SPNS1: variants seen among roughly 807,000 people sequenced by gnomAD.
The protein encoded by SPNS1 is protein spinster homolog 1.
Under a neutral mutation model 50.3 loss-of-function variants are expected in SPNS1, and 22 were observed. The observed-to-expected ratio is 0.44, with a 90% CI of 0.31 to 0.62. The LOEUF is 0.62. Among genes scored for constraint, SPNS1 ranks in the 20% least tolerant of loss-of-function variants. The probability of loss-of-function intolerance (pLI) is 0.07; values close to 1 mark genes in which losing one functional copy is unlikely to be tolerated. For missense variants in SPNS1, 576 were observed against 728.6 expected (o/e 0.79, Z 2.41); for synonymous variants, 295 against 317.4 (o/e 0.93, Z 0.75).
In SPNS1 at chr16:28,981,997, C is replaced by T. The variant is rs764923662; in HGVS notation, c.906C>T (p.Arg302=). 3.4e-5 allele frequency: 55 copies of T among 1,614,114 alleles called. No homozygotes were observed. The highest frequency in any genetic ancestry group is 1.7e-4 in the Admixed American group (10 of 60,006). ...CTCCGGCATTCCTGCTGCGTTCCCG[C>T]GTGGTCCTTGGGGAGACCCCACCCT... The part of the protein sequence containing the change: ...LWAPAFLLRS[R]VVLGETPPCL... The change falls in exon 7 of 12, where the codon CGC becomes CGT. Residue 302 remains arginine, a synonymous_variant. Transcript: ENST00000311008. The surrounding 1 kb of genome is among the most constrained non-coding windows in gnomAD (Gnocchi z 4.2).
chr16:28,981,417 AG>A lies in SPNS1; in HGVS notation c.664-50del. On this transcript the variant is annotated intron_variant, in intron 5 of 11. Coordinates refer to ENST00000311008, the MANE Select transcript of SPNS1 (RefSeq NM_032038.3). The surrounding 1 kb of genome is among the most constrained non-coding windows in gnomAD (Gnocchi z 4.2). ...TGTACCCCACACTCTCCTCCAGCCC[AG>A]GGCTTGAGTGTGTCTCTCCCTGTGC... is the stretch of plus-strand genomic sequence containing the variant. 1.2e-6 allele frequency: 2 copies of A among 1,608,792 alleles called. No individual in the cohort carries two copies. Among genetic ancestry groups the A allele is most frequent in the Non-Finnish European group, 8.5e-7 (1 of 1,176,576 alleles).
Position 28,974,973 on chromosome 16 carries a change from A to G in SPNS1, c.-179A>G. The G allele has an allele frequency of 6.9e-7, 1 of 1,459,152 alleles. No homozygotes were observed. The allele number at this position is 1,459,152 out of a possible 1,614,324, so 90.4% of individuals were successfully genotyped here. On this transcript the variant is annotated 5_prime_UTR_variant, in exon 1 of 12. Transcript: ENST00000311008. ...GCGCTGTGTGTCTACTGAGACGGGGAGGCGTGACAGGGCCCGGGTCCCTTC... is the reference window on the plus strand; with the variant it reads ...GCGCTGTGTGTCTACTGAGACGGGGGGGCGTGACAGGGCCCGGGTCCCTTC...
At chr16:28,982,658 T>C in intron 8 of SPNS1, 113 bp downstream of exon 8, 1 of 1,337,158 alleles carries the variant, frequency 7.5e-7, no homozygotes. Flanking sequence ...CTCTGGCTCT[T>C]CCCAGCTGTG....
Position 28,979,404 on chromosome 16 carries a change from G to A in SPNS1, c.597-1G>A, listed in dbSNP as rs1965466225. Reference sequence around the variant, plus strand: ...CTTTTTCCCCTCTCTCCCTCCCACAGTGGTCTGGGCTACATTGCAGGCTCC... The same window carrying A: ...CTTTTTCCCCTCTCTCCCTCCCACAATGGTCTGGGCTACATTGCAGGCTCC... On this transcript the variant is annotated splice_acceptor_variant, in intron 4 of 11. Transcript: ENST00000311008. LOFTEE classifies it high-confidence loss of function. 1 of 1,614,158 alleles carries A rather than the reference G, an allele frequency of 6.2e-7. No individual in the cohort carries two copies. Among genetic ancestry groups the A allele is most frequent in the Non-Finnish European group, 8.5e-7 (1 of 1,180,026 alleles).
At chr16:28,980,844 A>G (rs1381789996) in intron 5 of SPNS1, among the ~76,000 whole-genome samples, 1 of 150,886 alleles carries the variant, frequency 6.6e-6, no homozygotes, top group East Asian at 1.9e-4. Context: ...ACAGAGTGAG[A>G]CTCTGTCTCG....
chr16:28,984,260 C>T lies in SPNS1; in HGVS notation c.1548C>T (p.Gly516=), dbSNP rs777222878. ...ACCGGATTGTGGTGCCCCAGCGGGG[C>T]CGCTCCACCCGCGTGCCCGTGGCCA... ...TDDRIVVPQR[G]RSTRVPVASV... Residue 516 remains glycine (G), a synonymous_variant, in exon 12 of 12, where the codon GGC becomes GGT. Transcript: ENST00000311008. 3 of 1,611,836 alleles carry T rather than the reference C, an allele frequency of 1.9e-6. No individual in the cohort carries two copies. Among genetic ancestry groups the T allele is most frequent in the Non-Finnish European group, 2.5e-6 (3 of 1,179,410 alleles).
At chr16:28,977,554 G>A (rs1193138201) in intron 2 of SPNS1, among the ~76,000 whole-genome samples, 1 of 152,148 alleles carries the variant, frequency 6.6e-6, no homozygotes, top group East Asian at 1.9e-4. Context: ...GATGCAGACA[G>A]AGGAAGGGAA....
chr16:28,982,786 G>C, intron 8 of SPNS1, 71 bp from the exon 9 acceptor site: 2 of 1,542,374 alleles, frequency 1.3e-6, no homozygotes, highest in Non-Finnish European at 1.8e-6. Context: ...TAATAGATGA[G>C]CTGGGAACAT....
At position 28,984,105 on chromosome 16, in the gene SPNS1, T is replaced by A. The variant is rs1040491499; in HGVS notation, c.1493-100T>A. 8.3e-6 allele frequency: 12 copies of A among 1,443,140 alleles called. No individual in the cohort carries two copies. The African/African-American group carries it at 1.7e-4, about 21-fold the overall frequency. The allele number at this position is 1,443,140 out of a possible 1,614,324, so 89.4% of individuals were successfully genotyped here. A position where few individuals can be genotyped will look rare whatever the true frequency, so the allele number is the denominator to read the frequency against. The stretch of plus-strand genomic sequence containing the variant: ...TGTCTGCATCCACCCCTGGGGTGGC[T>A]CTGTGGCTGCCCCATCCATTTCCCG... On this transcript the variant is annotated intron_variant, in intron 11 of 11. Coordinates refer to ENST00000311008, the MANE Select transcript of SPNS1 (RefSeq NM_032038.3).
At position 28,981,799 on chromosome 16, in the gene SPNS1, T is replaced by C. The variant is rs1176697193; in HGVS notation, c.810-102T>C. 1 of 1,534,170 alleles carries C rather than the reference T, an allele frequency of 6.5e-7. No homozygotes were observed. Among genetic ancestry groups the C allele is most frequent in the African/African-American group, 1.4e-5 (1 of 73,374 alleles). On this transcript the variant is annotated intron_variant, in intron 6 of 11. Coordinates refer to ENST00000311008, the MANE Select transcript of SPNS1 (RefSeq NM_032038.3). The surrounding 1 kb of genome is among the most constrained non-coding windows in gnomAD (Gnocchi z 4.2). ...GGGAGCCAGAACCACCTCTGCACGG[T>C]GTTGTGACCTTACTAAAATAAGCCA... is the stretch of plus-strand genomic sequence containing the variant.
At chr16:28,984,062 C>T (rs750786482) in intron 11 of SPNS1, 105 bp downstream of exon 11, 138 of 1,451,866 alleles carry the variant, frequency 9.5e-5, no homozygotes, top group Non-Finnish European at 1.2e-4. Context: ...CAGCCCTCCC[C>T]TTGTTTGGCC....
At chr16:28,984,574 G>T, downstream of SPNS1, 1 of 615,110 alleles carries the variant, frequency 1.6e-6, no homozygotes, top group Non-Finnish European at 2.9e-6. Context: ...CTTTCTCTGG[G>T]TGGCCTCTGA....
At chr16:28,977,836 G>T (rs1265765947) in intron 2 of SPNS1, 72 bp from the exon 3 acceptor site, 1 of 1,575,640 alleles carries the variant, frequency 6.3e-7, no homozygotes, top group Non-Finnish European at 8.6e-7. Context: ...CTGTGCTTTA[G>T]TGGTTCCAGC....
rs2141666177 is a variant in SPNS1 at position 28,978,103 on chromosome 16, G to GGGC, written c.444+59_444+60insGGC. On this transcript the variant is annotated intron_variant, in intron 3 of 11. Coordinates refer to ENST00000311008, the MANE Select transcript of SPNS1 (RefSeq NM_032038.3). ...CACCCCCTCCCTGTCAGTCTCTGCT[G>GGGC]CTGCTCCTTGGAGCTATGGCAGACT... is the stretch of plus-strand genomic sequence containing the variant. 1.9e-6 allele frequency: 3 copies of GGGC among 1,584,162 alleles called. No homozygotes were observed. In the African/African-American group the frequency reaches 4.0e-5, roughly 21 times the overall value.
Position 28,984,332 on chromosome 16 carries a change from A to G in SPNS1, c.*33A>G. 6.2e-7 allele frequency: 1 copy of G among 1,600,812 alleles called. No homozygotes were observed. The highest frequency in any genetic ancestry group is 8.5e-7 in the Non-Finnish European group (1 of 1,174,170). On this transcript the variant is annotated 3_prime_UTR_variant, in exon 12 of 12. Coordinates refer to ENST00000311008, the MANE Select transcript of SPNS1 (RefSeq NM_032038.3). ...CCGCTCACCTACCTGCACATCTGCCACAGCTGGCCCTGGGCCCACCCCACG... is the reference window on the plus strand; with the variant it reads ...CCGCTCACCTACCTGCACATCTGCCGCAGCTGGCCCTGGGCCCACCCCACG...
chr16:28,980,443 T>C (rs1965504941), intron 5 of SPNS1: 2 of 152,082 alleles, frequency 1.3e-5, no homozygotes. Flanking sequence ...AATACCCCTT[T>C]TTTGGGGCAG....
At position 28,975,524 on chromosome 16, in the gene SPNS1, A is replaced by C; in HGVS notation, c.274A>C (p.Ile92Leu). ...TCCCGACATCGAGCAGTTCTTCAAC[A>C]TCGGGGACAGTAGCTCTGGGCTCAT... ...VLPDIEQFFN[I>L]GDSSSGLIQT... The change falls in exon 2 of 12, where the codon ATC becomes CTC. Residue 92 changes from isoleucine (I) to leucine (L), a missense_variant. By Grantham distance (5) the Ile-to-Leu change is conservative. This residue lies in a region of SPNS1 where 144 missense variants were observed against 181.2 expected (regional missense o/e 0.79). Transcript: ENST00000311008. 1 of 1,614,208 alleles carries C rather than the reference A, an allele frequency of 6.2e-7. No individual in the cohort carries two copies. Among genetic ancestry groups the C allele is most frequent in the South Asian group, 1.1e-5 (1 of 91,088 alleles).
intron 2 of SPNS1, among the ~76,000 whole-genome samples, chr16:28,977,017 A>C (rs1055005308): frequency 6.6e-6 from 1 of 152,196 alleles, no homozygotes; most frequent in Non-Finnish European, 1.5e-5. Context: ...CATAGGGATA[A>C]GTGTTATGTA....
chr16:28,975,116 G>C lies in SPNS1; in HGVS notation c.-36G>C, dbSNP rs1410183032. 1 of 1,466,182 alleles carries C rather than the reference G, an allele frequency of 6.8e-7. No individual in the cohort carries two copies. The allele number at this position is 1,466,182 out of a possible 1,614,324, so 90.8% of individuals were successfully genotyped here. A position where few individuals can be genotyped will look rare whatever the true frequency, so the allele number is the denominator to read the frequency against. ...CCCCTCGCAGGTGGGATCGTCGGTG[G>C]GACCGGAGCGCGGGCGGGCGCGGCC... On this transcript the variant is annotated 5_prime_UTR_variant, in exon 1 of 12. Transcript: ENST00000311008.
Sources: gnomAD v4.1 joint callset for allele counts (sites outside exome capture counted in the v4.1 genomes callset) on GRCh38, gnomAD v4.1.1 for gene constraint, gnomAD v4.1.1 regional missense constraint, Gnocchi (gnomAD v3.1) non-coding constraint, MANE v1.5 for transcripts, NCBI Gene and HGNC (gene_info 2026-07-23, HGNC 2026-07-21) for gene names.